STAG1: variants seen among roughly 807,000 people sequenced by gnomAD.
STAG1 encodes STAG1 cohesin complex component.
STAG1 carries 26 observed loss-of-function variants against 170.9 expected under a neutral mutation model. The ratio of observed to expected loss-of-function variants is 0.15; its 90% CI spans 0.11 to 0.21. The LOEUF is 0.21. Ranked by LOEUF, STAG1 falls within the 10% of genes least tolerant of loss-of-function variation. The probability of loss-of-function intolerance (pLI) is 1.00; values close to 1 mark genes in which losing one functional copy is unlikely to be tolerated. For missense variants in STAG1, 964 were observed against 1,509.5 expected (o/e 0.64, Z 5.99); for synonymous variants, 514 against 497.7 (o/e 1.03, Z -0.44).
intron 13 of STAG1, among the ~76,000 whole-genome samples, chr3:136,454,890 T>C (rs1023922378): frequency 6.6e-5 from 10 of 152,212 alleles, no homozygotes; most frequent in Non-Finnish European, 1.0e-4. Context: ...TGTACATTTA[T>C]GTATCTTTGA....
At chr3:136,454,528 G>A (rs189237742) in intron 13 of STAG1, among the ~76,000 whole-genome samples, 1 of 151,258 alleles carries the variant, frequency 6.6e-6, no homozygotes, top group Admixed American at 6.6e-5. Flanking sequence ...ACAGGCGTGT[G>A]CCACCATGCC....
chr3:136,526,075 A>G (rs560151821), intron 6 of STAG1, among the ~76,000 whole-genome samples: 82 of 152,136 alleles, frequency 5.4e-4, no homozygotes, highest in Non-Finnish European at 3.7e-4. Flanking sequence ...ATATTCTGTT[A>G]ATTTGGGGTG....
chr3:136,542,201 GA>G lies in STAG1; in HGVS notation c.395-7del. 1.3e-6 allele frequency: 2 copies of G among 1,598,280 alleles called. No individual in the cohort carries two copies. Among genetic ancestry groups the G allele is most frequent in the South Asian group, 1.1e-5 (1 of 90,308 alleles). ...CATCTCTATTCTCACAGTACCTGTG[GA>G]ACAACAGATTTTACATTAATCTTTC... On this transcript the variant is annotated splice_polypyrimidine_tract_variant and splice_region_variant and intron_variant, in intron 5 of 33. Transcript: ENST00000383202.
At chr3:136,622,254 GGTTGCAGTGAGCCAAGATT>G (rs1939898137) in intron 3 of STAG1, among the ~76,000 whole-genome samples, 1 of 152,008 alleles carries the variant, frequency 6.6e-6, no homozygotes. Flanking sequence ...AGGAGGTGGA[GGTTGCAGTGAGCCAAGATT>G]GTGCCATTGC....
At chr3:136,655,748 G>A (rs377071608) in intron 1 of STAG1, among the ~76,000 whole-genome samples, 6 of 151,504 alleles carry the variant, frequency 4.0e-5, no homozygotes, top group East Asian at 1.9e-4. Context: ...TGGGTGGCAG[G>A]GTAAGACTCC....
intron 1 of STAG1, among the ~76,000 whole-genome samples, chr3:136,680,155 G>A (rs565700262): frequency 2.6e-5 from 4 of 152,206 alleles, no homozygotes; most frequent in South Asian, 2.1e-4. Flanking sequence ...CAGCTACTCA[G>A]GAGTCTGAGG....
In STAG1 at chr3:136,372,069, C is replaced by T. The variant is rs570230185; in HGVS notation, c.2371-2787G>A. ...TGTAGTTCTCCTTGAAGAGGTCCTTCACATCCCTTGTGAGTTGGATTCCTA... is the reference window on the plus strand; with the variant it reads ...TGTAGTTCTCCTTGAAGAGGTCCTTTACATCCCTTGTGAGTTGGATTCCTA... On this transcript the variant is annotated intron_variant, in intron 23 of 33. Coordinates refer to ENST00000383202, the MANE Select transcript of STAG1 (RefSeq NM_005862.3). 1.0e-3 allele frequency among the ~76,000 whole-genome samples: 152 copies of T among 152,276 alleles called. 1 individual carries two copies. The Middle Eastern group carries it at 0.014, about 14-fold the overall frequency.
At chr3:136,485,927 G>T (rs1352817727) in intron 9 of STAG1, among the ~76,000 whole-genome samples, 1 of 152,078 alleles carries the variant, frequency 6.6e-6, no homozygotes, top group East Asian at 1.9e-4. Context: ...GGAAATTTAA[G>T]TTGTTTCCAA....
chr3:136,604,613 G>A (rs1938844186), intron 3 of STAG1, 140 bp from the exon 4 acceptor site: 2 of 724,514 alleles, frequency 2.8e-6, no homozygotes, highest in African/African-American at 3.6e-5. Context: ...AAAGTGCAAA[G>A]AGCAAAACAT....
At chr3:136,457,955 A>C (rs2089164941) in intron 13 of STAG1, among the ~76,000 whole-genome samples, 1 of 152,078 alleles carries the variant, frequency 6.6e-6, no homozygotes, top group Non-Finnish European at 1.5e-5. Flanking sequence ...ACAAACAAAC[A>C]AACAAAAAAA....
At chr3:136,387,964 A>G (rs927308649) in intron 22 of STAG1, among the ~76,000 whole-genome samples, 11 of 152,190 alleles carry the variant, frequency 7.2e-5, no homozygotes, top group African/African-American at 2.4e-4. Flanking sequence ...AAAAATTCAG[A>G]TGGAGGACTA....
chr3:136,461,533 C>G (rs567354520), intron 13 of STAG1, among the ~76,000 whole-genome samples: 20 of 149,478 alleles, frequency 1.3e-4, no homozygotes, highest in Middle Eastern at 6.9e-3. Flanking sequence ...AGTGAACAAT[C>G]TGAAAAAGAA....
At chr3:136,425,771 A>C (rs1480395342) in intron 16 of STAG1, among the ~76,000 whole-genome samples, 1 of 149,940 alleles carries the variant, frequency 6.7e-6, no homozygotes, top group African/African-American at 2.4e-5. Context: ...AAAGAAGAAG[A>C]TATGTGAAAA....
intron 1 of STAG1, among the ~76,000 whole-genome samples, chr3:136,713,207 T>C (rs950339892): frequency 6.6e-6 from 1 of 152,148 alleles, no homozygotes; most frequent in Non-Finnish European, 1.5e-5. Flanking sequence ...CACACAAGTA[T>C]ATAGTTCCTA....
chr3:136,392,252 A>G (rs1258388384), intron 22 of STAG1, among the ~76,000 whole-genome samples: 1 of 152,206 alleles, frequency 6.6e-6, no homozygotes, highest in Non-Finnish European at 1.5e-5. Context: ...TCACAGCATT[A>G]ATTTTATTAG....
chr3:136,636,946 T>A (rs995227992), intron 1 of STAG1, among the ~76,000 whole-genome samples: 3 of 152,052 alleles, frequency 2.0e-5, no homozygotes, highest in Non-Finnish European at 4.4e-5. Context: ...ACTAGGACAA[T>A]TTAGACATGT....
At chr3:136,478,801 G>C (rs980744168) in intron 9 of STAG1, among the ~76,000 whole-genome samples, 1 of 152,190 alleles carries the variant, frequency 6.6e-6, no homozygotes, top group East Asian at 1.9e-4. Flanking sequence ...CTCATGGAGA[G>C]GCTGTACAAC....
chr3:136,611,472 C>A (rs929283514), intron 3 of STAG1, among the ~76,000 whole-genome samples: 1 of 151,400 alleles, frequency 6.6e-6, no homozygotes, highest in African/African-American at 2.4e-5. Context: ...TAATTTTGTG[C>A]ATGAAACAAA....
At chr3:136,591,529 C>T in intron 4 of STAG1, 2 of 433,020 alleles carry the variant, frequency 4.6e-6, no homozygotes, top group South Asian at 3.3e-5. Flanking sequence ...CAACACTGAC[C>T]TATTTGAAAG....
Sources: allele counts gnomAD v4.1 joint callset (sites outside exome capture counted in the v4.1 genomes callset), GRCh38; gene constraint gnomAD v4.1.1; transcripts MANE v1.5; gene names NCBI Gene and HGNC (gene_info 2026-07-23, HGNC 2026-07-21).